KCNQ5: variants seen among roughly 807,000 people sequenced by gnomAD.
KCNQ5 encodes potassium voltage-gated channel subfamily KQT member 5.
In KCNQ5, 30 loss-of-function variants were observed where a neutral mutation model predicts 98.2. That is an observed-to-expected ratio of 0.31 (90% CI 0.23 to 0.41). The LOEUF (loss-of-function observed/expected upper bound fraction) is 0.41, where lower values mean the gene tolerates loss of function less well. Among genes scored for constraint, KCNQ5 ranks in the 10% least tolerant of loss-of-function variants. The probability of loss-of-function intolerance (pLI) is 1.00; values close to 1 mark genes in which losing one functional copy is unlikely to be tolerated. For missense variants in KCNQ5, 835 were observed against 1,182.5 expected (o/e 0.71, Z 4.31); for synonymous variants, 458 against 449.4 (o/e 1.02, Z -0.24).
At chr6:73,024,235 A>G (rs1266294097) in intron 2 of KCNQ5, among the ~76,000 whole-genome samples, 2 of 152,142 alleles carry the variant, frequency 1.3e-5, no homozygotes, top group African/African-American at 4.8e-5. Flanking sequence ...TAGGAGTTCA[A>G]CCACTGACAC....
chr6:72,688,281 CAGGTTACT>C (rs1768053357), intron 1 of KCNQ5, among the ~76,000 whole-genome samples: 1 of 152,120 alleles, frequency 6.6e-6, no homozygotes, highest in East Asian at 1.9e-4. Context: ...CAAGATTTCC[CAGGTTACT>C]AGGTTCTTAA....
intron 1 of KCNQ5, among the ~76,000 whole-genome samples, chr6:72,651,668 A>G (rs944755845): frequency 1.3e-5 from 2 of 152,004 alleles, no homozygotes; most frequent in African/African-American, 4.8e-5. Flanking sequence ...GTGTACCTCA[A>G]TTTTGTGAAA....
At chr6:72,869,380 C>T (rs1228195728) in intron 1 of KCNQ5, among the ~76,000 whole-genome samples, 1 of 151,992 alleles carries the variant, frequency 6.6e-6, no homozygotes, top group Non-Finnish European at 1.5e-5. Context: ...GGAAACCAGG[C>T]GATTTGGAAA....
chr6:73,177,051 C>T (rs931574269), intron 11 of KCNQ5, among the ~76,000 whole-genome samples: 2 of 152,104 alleles, frequency 1.3e-5, no homozygotes. Context: ...ACCAGGAGAG[C>T]GTGACAGAAG....
chr6:72,704,218 T>A (rs1203639372), intron 1 of KCNQ5, among the ~76,000 whole-genome samples: 1 of 152,194 alleles, frequency 6.6e-6, no homozygotes, highest in Non-Finnish European at 1.5e-5. Context: ...TAATTATAAA[T>A]CTTTAGAGAA....
chr6:72,944,407 T>C (rs898674329), intron 1 of KCNQ5, among the ~76,000 whole-genome samples: 1 of 152,202 alleles, frequency 6.6e-6, no homozygotes, highest in African/African-American at 2.4e-5. Context: ...CATTCATTTT[T>C]TTCTACAAAT....
At chr6:72,957,321 C>G (rs1050599617) in intron 1 of KCNQ5, among the ~76,000 whole-genome samples, 6 of 151,922 alleles carry the variant, frequency 3.9e-5, no homozygotes, top group African/African-American at 1.5e-4. Flanking sequence ...CAGGCGCGCA[C>G]CACCACACTT....
chr6:72,943,866 T>C (rs1287835306), intron 1 of KCNQ5, among the ~76,000 whole-genome samples: 2 of 152,236 alleles, frequency 1.3e-5, no homozygotes, highest in African/African-American at 4.8e-5. Context: ...GAATGACAGA[T>C]AGATATTACA....
chr6:73,056,602 A>C (rs1772507550), intron 3 of KCNQ5, among the ~76,000 whole-genome samples: 1 of 152,074 alleles, frequency 6.6e-6, no homozygotes, highest in African/African-American at 2.4e-5. Context: ...GCCTTGTTTC[A>C]TGGCAGTGAA....
chr6:72,701,418 C>T (rs912760179), intron 1 of KCNQ5, among the ~76,000 whole-genome samples: 3 of 152,020 alleles, frequency 2.0e-5, no homozygotes, highest in African/African-American at 7.2e-5. Context: ...TTTATGATAT[C>T]GGTTTTGCAA....
chr6:72,872,262 CTAATTT>C (rs1207362501), intron 1 of KCNQ5, among the ~76,000 whole-genome samples: 1 of 152,070 alleles, frequency 6.6e-6, no homozygotes, highest in Non-Finnish European at 1.5e-5. Context: ...TTTTTAAATT[CTAATTT>C]TAAGTTAAAT....
intron 1 of KCNQ5, among the ~76,000 whole-genome samples, chr6:72,981,054 G>T (rs1162209778): frequency 1.3e-5 from 2 of 152,040 alleles, no homozygotes; most frequent in Non-Finnish European, 2.9e-5. Context: ...CTGCTGATTT[G>T]GTTTGCCAGT....
chr6:72,852,661 A>ATATAT (rs60436919), intron 1 of KCNQ5, among the ~76,000 whole-genome samples: 5 of 125,370 alleles, frequency 4.0e-5, no homozygotes, highest in Admixed American at 7.7e-5. Context: ...ATATATATAT[A>ATATAT]AATGGCACTT....
chr6:72,681,242 G>A (rs1767691050), intron 1 of KCNQ5, among the ~76,000 whole-genome samples: 1 of 152,222 alleles, frequency 6.6e-6, no homozygotes, highest in African/African-American at 2.4e-5. Flanking sequence ...ACGGGGGCTT[G>A]CTGTGTGATG....
At chr6:72,856,087 A>G (rs556808050) in intron 1 of KCNQ5, among the ~76,000 whole-genome samples, 1 of 152,274 alleles carries the variant, frequency 6.6e-6, no homozygotes, top group East Asian at 1.9e-4. Context: ...TACAAATGGT[A>G]TTTCTATTTT....
rs1214797915 is a variant in KCNQ5 at position 72,623,391 on chromosome 6, A to AGTGTGTGTGTGTGTGTGTGTGTGT, written c.398+817_398+840dup. ...CCCCGTTTGTGGCGCGGAGTCAAAG[A>AGTGTGTGTGTGTGTGTGTGTGTGT]GTGTGTGTGTGTGTGTGTGTGTGTG... On this transcript the variant is annotated intron_variant, in intron 1 of 13. Transcript: ENST00000370398. Among the ~76,000 whole-genome samples the AGTGTGTGTGTGTGTGTGTGTGTGT allele has an allele frequency of 4.9e-4, 70 of 143,142 alleles. 1 individual carries two copies. The highest frequency in any genetic ancestry group is 1.1e-3 in the African/African-American group (42 of 37,906). The allele number at this position is 143,142 out of a possible 152,430, so 93.9% of individuals were successfully genotyped here. A position where few individuals can be genotyped will look rare whatever the true frequency, so the allele number is the denominator to read the frequency against.
intron 1 of KCNQ5, among the ~76,000 whole-genome samples, chr6:73,001,536 G>A (rs1459562083): frequency 6.6e-6 from 1 of 152,170 alleles, no homozygotes; most frequent in Non-Finnish European, 1.5e-5. Flanking sequence ...GCTCTTGAAG[G>A]AGGAAAGCAT....
chr6:73,187,061 C>CTTT (rs56920924), intron 11 of KCNQ5, among the ~76,000 whole-genome samples: 8 of 137,214 alleles, frequency 5.8e-5, no homozygotes, highest in South Asian at 4.7e-4. Flanking sequence ...CACCAAAATT[C>CTTT]TTTTTTTTTT....
chr6:72,747,414 T>G (rs1006168198), intron 1 of KCNQ5, among the ~76,000 whole-genome samples: 1 of 152,168 alleles, frequency 6.6e-6, no homozygotes, highest in Non-Finnish European at 1.5e-5. Context: ...TTGAAAATAG[T>G]TCCTCGGGCT....
Sources: allele counts gnomAD v4.1 joint callset (sites outside exome capture counted in the v4.1 genomes callset), GRCh38; gene constraint gnomAD v4.1.1; transcripts MANE v1.5; gene names NCBI Gene and HGNC (gene_info 2026-07-23, HGNC 2026-07-21).